The following PTPRT variants were observed in gnomAD, a reference collection of about 807,000 sequenced individuals.
PTPRT encodes the protein receptor-type tyrosine-protein phosphatase T.
PTPRT carries 56 observed loss-of-function variants against 176.8 expected under a neutral mutation model. That is an observed-to-expected ratio of 0.32 (90% CI 0.26 to 0.40). PTPRT has a LOEUF of 0.40. Ranked by LOEUF, PTPRT falls within the 10% of genes least tolerant of loss-of-function variation. The probability of loss-of-function intolerance (pLI) is 1.00; values close to 1 mark genes in which losing one functional copy is unlikely to be tolerated. For synonymous variants in PTPRT, 783 were observed against 739.0 expected, an observed-to-expected ratio of 1.06 and a Z score of -0.96; for missense variants, 1,540 against 1,908.2, an observed-to-expected ratio of 0.81 and a Z score of 3.60.
chr20:42,410,275 A>C (rs2059001380), intron 9 of PTPRT, among the ~76,000 whole-genome samples: 1 of 152,164 alleles, frequency 6.6e-6, no homozygotes, highest in Non-Finnish European at 1.5e-5. Context: ...ATTCAGATTG[A>C]ATTTGTTGGA....
At chr20:42,046,777 G>A in the PTPRT span, among the ~76,000 whole-genome samples, 1 of 132,630 alleles carries the variant, frequency 7.5e-6, no homozygotes, top group African/African-American at 2.6e-5. Flanking sequence ...GTTGTCATGT[G>A]AGTGTGTGTG....
chr20:42,518,996 C>G (rs1427847283), intron 7 of PTPRT, among the ~76,000 whole-genome samples: 1 of 152,044 alleles, frequency 6.6e-6, no homozygotes, highest in Non-Finnish European at 1.5e-5. Context: ...CCAGTTTCCC[C>G]CATTTTAACA....
At chr20:42,763,147 G>A (rs2076938656) in intron 5 of PTPRT, among the ~76,000 whole-genome samples, 1 of 152,178 alleles carries the variant, frequency 6.6e-6, no homozygotes, top group Non-Finnish European at 1.5e-5. Context: ...CCTACCGTCT[G>A]ATTATCTATC....
At chr20:42,176,806 A>G (rs1175246141) in intron 16 of PTPRT, among the ~76,000 whole-genome samples, 1 of 152,222 alleles carries the variant, frequency 6.6e-6, no homozygotes, top group Non-Finnish European at 1.5e-5. Flanking sequence ...CAAGAAAGAG[A>G]AAATGAAATA....
intron 6 of PTPRT, among the ~76,000 whole-genome samples, chr20:42,712,285 G>C (rs764063963): frequency 1.3e-5 from 2 of 152,152 alleles, no homozygotes; most frequent in Non-Finnish European, 2.9e-5. Context: ...TGTCAGCTTA[G>C]ATTTTCTCAG....
At chr20:42,539,004 T>C (rs1172380320) in intron 7 of PTPRT, among the ~76,000 whole-genome samples, 1 of 152,202 alleles carries the variant, frequency 6.6e-6, no homozygotes, top group Non-Finnish European at 1.5e-5. Context: ...CACATTGATT[T>C]ATGTACAAAC....
intron 1 of PTPRT, among the ~76,000 whole-genome samples, chr20:43,059,497 A>T (rs1807365003): frequency 6.6e-6 from 1 of 152,194 alleles, no homozygotes; most frequent in Non-Finnish European, 1.5e-5. Context: ...GCTTGATAAG[A>T]GATTGTCTTT....
intron 7 of PTPRT, among the ~76,000 whole-genome samples, chr20:42,491,726 CT>C (rs1202232632): frequency 6.6e-6 from 1 of 152,164 alleles, no homozygotes; most frequent in African/African-American, 2.4e-5. Flanking sequence ...ACTTCCAGAT[CT>C]ATGAGAAATT....
intron 12 of PTPRT, among the ~76,000 whole-genome samples, chr20:42,294,069 A>G (rs1263630408): frequency 6.6e-6 from 1 of 152,224 alleles, no homozygotes; most frequent in African/African-American, 2.4e-5. Context: ...GAAGAACCAG[A>G]TATAAATGAA....
chr20:42,475,858 G>A (rs1253719536), intron 7 of PTPRT, among the ~76,000 whole-genome samples: 1 of 152,278 alleles, frequency 6.6e-6, no homozygotes, highest in African/African-American at 2.4e-5. Flanking sequence ...TCGTGATCTT[G>A]CCACACAGCA....
At chr20:42,677,689 T>TA (rs1481878479) in intron 7 of PTPRT, among the ~76,000 whole-genome samples, 177 bp downstream of exon 7, 1 of 150,796 alleles carries the variant, frequency 6.6e-6, no homozygotes, top group Non-Finnish European at 1.5e-5. Context: ...GAAGGTCCTC[T>TA]AAAAAACAAA....
At chr20:43,029,786 C>T (rs915302276) in intron 1 of PTPRT, among the ~76,000 whole-genome samples, 10 of 152,206 alleles carry the variant, frequency 6.6e-5, no homozygotes, top group African/African-American at 2.2e-4. Flanking sequence ...AGAGTGGCTA[C>T]GTAATTTGCT....
At chr20:42,689,102 C>G (rs1191958854) in intron 6 of PTPRT, among the ~76,000 whole-genome samples, 1 of 152,140 alleles carries the variant, frequency 6.6e-6, no homozygotes. Flanking sequence ...GCCTGAAGAC[C>G]CACAGAGCTA....
At chr20:42,198,903 T>C (rs1191661681) in intron 16 of PTPRT, among the ~76,000 whole-genome samples, 4 of 152,230 alleles carry the variant, frequency 2.6e-5, no homozygotes. Context: ...CTCAATTCAG[T>C]GTGGCATATT....
At chr20:42,136,443 C>A (rs376605098) in intron 18 of PTPRT, among the ~76,000 whole-genome samples, 2 of 152,094 alleles carry the variant, frequency 1.3e-5, no homozygotes, top group East Asian at 1.9e-4. Flanking sequence ...GATTGAATTA[C>A]CATTATCAAG....
intron 1 of PTPRT, among the ~76,000 whole-genome samples, chr20:42,910,708 G>A (rs965533084): frequency 6.6e-6 from 1 of 152,136 alleles, no homozygotes; most frequent in Non-Finnish European, 1.5e-5. Flanking sequence ...CACAAAATAA[G>A]GGTGAAATCA....
At chr20:42,917,028 T>C in intron 1 of PTPRT, among the ~76,000 whole-genome samples, 1 of 152,240 alleles carries the variant, frequency 6.6e-6, no homozygotes, top group Non-Finnish European at 1.5e-5. Flanking sequence ...AGACATGAAG[T>C]CCTTGCCCAT....
At chr20:42,289,786 G>A (rs927228922) in intron 12 of PTPRT, among the ~76,000 whole-genome samples, 14 of 152,010 alleles carry the variant, frequency 9.2e-5, no homozygotes, top group South Asian at 2.1e-4. Flanking sequence ...AGGAAAATGA[G>A]CCATTTCCTA....
intron 2 of PTPRT, among the ~76,000 whole-genome samples, chr20:42,797,483 C>G (rs974920803): frequency 1.3e-5 from 2 of 152,206 alleles, no homozygotes; most frequent in South Asian, 2.1e-4. Context: ...ATATGTGGAG[C>G]CTTACACATC....
Sources: gnomAD v4.1 joint callset for allele counts (sites outside exome capture counted in the v4.1 genomes callset) on GRCh38, gnomAD v4.1.1 for gene constraint, MANE v1.5 for transcripts, NCBI Gene and HGNC (gene_info 2026-07-23, HGNC 2026-07-21) for gene names.